The following AHCYL2 variants were observed in gnomAD, a reference collection of about 807,000 sequenced individuals.
AHCYL2 encodes the protein S-adenosylhomocysteine hydrolase-like protein 2.
In AHCYL2, 28 loss-of-function variants were observed where a neutral mutation model predicts 81.4. The ratio of observed to expected loss-of-function variants is 0.34; its 90% CI spans 0.25 to 0.47. AHCYL2 has a LOEUF of 0.47. AHCYL2 is among the 20% of genes least tolerant of loss of function. The pLI is 1.00. For missense variants in AHCYL2, 551 were observed against 785.1 expected (o/e 0.70, Z 3.56); for synonymous variants, 272 against 290.2 (o/e 0.94, Z 0.64).
chr7:129,381,953 GTTTC>G (rs977352856), intron 2 of AHCYL2, among the ~76,000 whole-genome samples: 37 of 151,986 alleles, frequency 2.4e-4, no homozygotes, highest in African/African-American at 4.6e-4. Context: ...TTTGTTTTTT[GTTTC>G]TTTCTTTTTC....
chr7:129,422,645 G>T (rs981645489), intron 12 of AHCYL2, among the ~76,000 whole-genome samples, 195 bp from the exon 13 acceptor site: 1 of 152,188 alleles, frequency 6.6e-6, no homozygotes, highest in African/African-American at 2.4e-5. Flanking sequence ...CATCCTGAGT[G>T]ATCCCTCCCT....
At chr7:129,227,650 C>T (rs1794277885) in intron 1 of AHCYL2, among the ~76,000 whole-genome samples, 2 of 150,652 alleles carry the variant, frequency 1.3e-5, no homozygotes. Flanking sequence ...AATCAAAGAC[C>T]AGCATACTGG....
intron 6 of AHCYL2, among the ~76,000 whole-genome samples, chr7:129,403,014 T>C (rs942213806): frequency 3.9e-5 from 6 of 152,176 alleles, no homozygotes; most frequent in African/African-American, 1.4e-4. Flanking sequence ...TAAAGTCCCT[T>C]TAGGCTTTCT....
intron 1 of AHCYL2, among the ~76,000 whole-genome samples, chr7:129,230,721 C>T (rs553495587): frequency 9.2e-5 from 14 of 151,548 alleles, no homozygotes; most frequent in Admixed American, 8.6e-4. Context: ...TACAGGTGCA[C>T]GCCACCACGC....
intron 1 of AHCYL2, among the ~76,000 whole-genome samples, chr7:129,328,077 C>T (rs1461020939): frequency 6.6e-6 from 1 of 152,236 alleles, no homozygotes; most frequent in Non-Finnish European, 1.5e-5. Flanking sequence ...GGATTGCAGG[C>T]ATGAGGCACC....
intron 1 of AHCYL2, among the ~76,000 whole-genome samples, chr7:129,227,784 C>T (rs1299743505): frequency 6.6e-6 from 1 of 152,104 alleles, no homozygotes; most frequent in Non-Finnish European, 1.5e-5. Context: ...AGCCTCAAGG[C>T]TATTGTAAAG....
intron 1 of AHCYL2, among the ~76,000 whole-genome samples, chr7:129,225,771 C>A (rs918234817): frequency 2.0e-5 from 3 of 152,276 alleles, no homozygotes; most frequent in Middle Eastern, 3.4e-3. Context: ...TCCAGCCTAT[C>A]GGGGAAGAGA....
At chr7:129,374,049 G>A (rs1474819222) in intron 1 of AHCYL2, among the ~76,000 whole-genome samples, 1 of 151,966 alleles carries the variant, frequency 6.6e-6, no homozygotes, top group Admixed American at 6.6e-5. Context: ...ACTTGATCAG[G>A]GCCCCAAGAT....
At chr7:129,392,459 A>G (rs1458709852) in intron 4 of AHCYL2, among the ~76,000 whole-genome samples, 1 of 152,206 alleles carries the variant, frequency 6.6e-6, no homozygotes, top group Non-Finnish European at 1.5e-5. Flanking sequence ...GGCTTGTTTT[A>G]TAAGTACACT....
chr7:129,328,217 G>A (rs972042603), intron 1 of AHCYL2, among the ~76,000 whole-genome samples: 2 of 151,992 alleles, frequency 1.3e-5, no homozygotes, highest in Non-Finnish European at 2.9e-5. Context: ...TTACTCTGTT[G>A]CCCAGGCTGG....
At chr7:129,410,896 TA>T (rs1796538397) in intron 11 of AHCYL2, among the ~76,000 whole-genome samples, 1 of 152,176 alleles carries the variant, frequency 6.6e-6, no homozygotes, top group Non-Finnish European at 1.5e-5. Flanking sequence ...AGAGGGACCA[TA>T]AGAAGCTGTT....
At chr7:129,425,008 G>A in intron 14 of AHCYL2, 55 bp from the exon 15 acceptor site, 1 of 1,612,590 alleles carries the variant, frequency 6.2e-7, no homozygotes, top group Non-Finnish European at 8.5e-7. Flanking sequence ...GGTTTCACTT[G>A]CTTGGGTAGA....
intron 1 of AHCYL2, among the ~76,000 whole-genome samples, chr7:129,260,076 C>CA (rs35687709): frequency 0.011 from 741 of 67,408 alleles, 5 homozygotes; most frequent in East Asian, 0.015. Flanking sequence ...AACTCCATCT[C>CA]AAAAAAAAAA....
At chr7:129,389,254 A>T in intron 3 of AHCYL2, 55 bp downstream of exon 3, 6 of 1,604,584 alleles carry the variant, frequency 3.7e-6, no homozygotes, top group Non-Finnish European at 4.3e-6. Flanking sequence ...TTTTGTCCAT[A>T]TTAATCCCTT....
intron 1 of AHCYL2, among the ~76,000 whole-genome samples, chr7:129,291,595 A>G (rs1311442254): frequency 6.6e-6 from 1 of 150,536 alleles, no homozygotes; most frequent in Non-Finnish European, 1.5e-5. Context: ...TTATTGCCAC[A>G]AAGTCTTTTT....
intron 1 of AHCYL2, among the ~76,000 whole-genome samples, chr7:129,268,584 C>T (rs1429973925): frequency 2.0e-5 from 3 of 152,096 alleles, no homozygotes; most frequent in Non-Finnish European, 4.4e-5. Context: ...CAGATCCTGA[C>T]CTTAGGATCC....
At chr7:129,318,625 T>G (rs1231047955) in intron 1 of AHCYL2, among the ~76,000 whole-genome samples, 1 of 152,208 alleles carries the variant, frequency 6.6e-6, no homozygotes, top group Non-Finnish European at 1.5e-5. Flanking sequence ...ATACCTCACA[T>G]TTTATATTAG....
At position 129,413,638 on chromosome 7, in the gene AHCYL2, A is replaced by G; in HGVS notation, c.1411A>G (p.Asn471Asp). The G allele has an allele frequency of 6.2e-7, 1 of 1,614,200 alleles. No homozygotes were observed. The highest frequency in any genetic ancestry group is 1.1e-5 in the South Asian group (1 of 91,084). Reference protein sequence around the residue: ...VTREHLDRMKNSCIVCNMGHS... With the variant: ...VTREHLDRMKDSCIVCNMGHS... Reference sequence around the variant, plus strand: ...CAGAGAGCACTTGGACCGTATGAAGAATAGCTGCATCGTTTGTAACATGGG... The same window carrying G: ...CAGAGAGCACTTGGACCGTATGAAGGATAGCTGCATCGTTTGTAACATGGG... Residue 471 changes from asparagine (N) to aspartate (D), a missense_variant, in exon 12 of 17, where the codon AAT becomes GAT. Around this residue, in one of 2 missense-constraint regions of AHCYL2, gnomAD observed 316 missense variants for 543.1 expected, o/e 0.58. Coordinates refer to ENST00000325006, the MANE Select transcript of AHCYL2 (RefSeq NM_015328.4).
chr7:129,332,382 AAGTTGCATGTAATT>A (rs1798452524), intron 1 of AHCYL2, among the ~76,000 whole-genome samples: 1 of 152,222 alleles, frequency 6.6e-6, no homozygotes, highest in Non-Finnish European at 1.5e-5. Context: ...TTCACTCCTG[AAGTTGCATGTAATT>A]GCCTCTTGGC....
Sources: gnomAD v4.1 joint callset for allele counts (sites outside exome capture counted in the v4.1 genomes callset) on GRCh38, gnomAD v4.1.1 for gene constraint, gnomAD v4.1.1 regional missense constraint, MANE v1.5 for transcripts, NCBI Gene and HGNC (gene_info 2026-07-23, HGNC 2026-07-21) for gene names.